ADARB2: variants seen among roughly 807,000 people sequenced by gnomAD.
ADARB2 encodes adenosine deaminase RNA specific B2 (inactive).
In ADARB2, 25 loss-of-function variants were observed where a neutral mutation model predicts 62.2. The ratio of observed to expected loss-of-function variants is 0.40; its 90% CI spans 0.29 to 0.56. The LOEUF (loss-of-function observed/expected upper bound fraction) is 0.56. Ranked by LOEUF, ADARB2 falls within the 20% of genes least tolerant of loss-of-function variation. The probability of loss-of-function intolerance (pLI) is 0.43; values close to 1 mark genes in which losing one functional copy is unlikely to be tolerated. For missense variants in ADARB2, 1,071 were observed against 1,077.4 expected, an observed-to-expected ratio of 0.99 and a Z score of 0.08; for synonymous variants, 572 against 500.8, an observed-to-expected ratio of 1.14 and a Z score of -1.90.
chr10:1,506,270 C>T (rs1831846289), intron 1 of ADARB2, among the ~76,000 whole-genome samples: 1 of 152,174 alleles, frequency 6.6e-6, no homozygotes, highest in South Asian at 2.1e-4. Flanking sequence ...ATTTCAACTT[C>T]TCCTCCTGCA....
intron 1 of ADARB2, among the ~76,000 whole-genome samples, chr10:1,396,816 CTCCTCTCCCCTCCCGA>C (rs1832619714): frequency 2.4e-5 from 1 of 42,282 alleles, no homozygotes; most frequent in Non-Finnish European, 4.8e-5. Context: ...GGTCACCGTC[CTCCTCTCCCCTCCCGA>C]GTGGAGGCTT....
chr10:1,183,712 A>T (rs1021822219), intron 9 of ADARB2, among the ~76,000 whole-genome samples: 1 of 152,174 alleles, frequency 6.6e-6, no homozygotes, highest in Admixed American at 6.5e-5. Flanking sequence ...GGCTGGTGAG[A>T]GTCATGTTGT....
intron 2 of ADARB2, among the ~76,000 whole-genome samples, chr10:1,375,709 C>A (rs1456156705): frequency 6.6e-6 from 1 of 152,212 alleles, no homozygotes. Flanking sequence ...CACCCTTGCT[C>A]CTGACATATG....
intron 1 of ADARB2, among the ~76,000 whole-genome samples, chr10:1,724,786 TG>T (rs1564205303): frequency 6.6e-6 from 1 of 151,964 alleles, no homozygotes; most frequent in Non-Finnish European, 1.5e-5. Context: ...TAACCTAGGG[TG>T]GGGGCCACAG....
chr10:1,716,649 G>C (rs777055059), intron 1 of ADARB2, among the ~76,000 whole-genome samples: 8 of 152,024 alleles, frequency 5.3e-5, no homozygotes, highest in Admixed American at 6.6e-5. Context: ...AAAACAACCT[G>C]ATACATTTAT....
chr10:1,693,223 G>A (rs1588354712), intron 1 of ADARB2, among the ~76,000 whole-genome samples: 1 of 152,120 alleles, frequency 6.6e-6, no homozygotes, highest in Non-Finnish European at 1.5e-5. Context: ...ACCTGCAAGG[G>A]GCCTTGGCAA....
intron 1 of ADARB2, among the ~76,000 whole-genome samples, chr10:1,484,236 T>C (rs1057501031): frequency 2.6e-5 from 4 of 152,208 alleles, no homozygotes; most frequent in Non-Finnish European, 4.4e-5. Context: ...TCCTTGAAAA[T>C]TGGTTTGAAA....
chr10:1,271,608 G>A (rs1831263343), intron 3 of ADARB2, among the ~76,000 whole-genome samples: 1 of 152,060 alleles, frequency 6.6e-6, no homozygotes, highest in African/African-American at 2.4e-5. Flanking sequence ...GGGCACACGT[G>A]CACACACGAA....
chr10:1,696,768 G>A (rs1834751546), intron 1 of ADARB2, among the ~76,000 whole-genome samples: 1 of 152,176 alleles, frequency 6.6e-6, no homozygotes, highest in Admixed American at 6.5e-5. Context: ...GAACTGCAAA[G>A]AGGCTAGAGG....
At chr10:1,705,503 T>A (rs1437753106) in intron 1 of ADARB2, among the ~76,000 whole-genome samples, 1 of 152,146 alleles carries the variant, frequency 6.6e-6, no homozygotes, top group Non-Finnish European at 1.5e-5. Flanking sequence ...CCAGGTAGGT[T>A]CTCAGGATGT....
chr10:1,205,915 G>GGGTC (rs1564219740), intron 7 of ADARB2, among the ~76,000 whole-genome samples: 1 of 107,618 alleles, frequency 9.3e-6, no homozygotes, highest in Non-Finnish European at 2.0e-5. Context: ...GGGTCAGGTG[G>GGGTC]AGGTCACGGG....
rs753144194 is a variant in ADARB2 at position 1,363,865 on chromosome 10, C to T, written c.240G>A (p.Ala80=). ...KENRNVGNLA[A]RPPPSGDRAR... ...CCCGGTCCCCGGAGGGCGGTGGCCGCGCGGCCAGGTTGCCCACGTTGCGGT... is the reference window on the plus strand; with the variant it reads ...CCCGGTCCCCGGAGGGCGGTGGCCGTGCGGCCAGGTTGCCCACGTTGCGGT... Residue 80 remains alanine (A), a synonymous_variant, in exon 3 of 10, where the codon GCG becomes GCA. Transcript: ENST00000381312. 7.3e-6 allele frequency: 11 copies of T among 1,506,242 alleles called. No individual in the cohort carries two copies. In the South Asian group the frequency reaches 1.0e-4, roughly 14 times the overall value. The allele number at this position is 1,506,242 out of a possible 1,614,324, so 93.3% of individuals were successfully genotyped here.
chr10:1,507,231 A>G (rs554467945), intron 1 of ADARB2, among the ~76,000 whole-genome samples: 3 of 152,356 alleles, frequency 2.0e-5, no homozygotes, highest in East Asian at 3.9e-4. Flanking sequence ...TGACGCTGCT[A>G]CAGAGGAAGG....
intron 1 of ADARB2, among the ~76,000 whole-genome samples, chr10:1,569,386 C>A (rs1480292181): frequency 6.6e-6 from 1 of 152,174 alleles, no homozygotes; most frequent in Non-Finnish European, 1.5e-5. Context: ...GTGTCATGAA[C>A]CCCCAGCCTG....
At chr10:1,302,769 C>A (rs1831586993) in intron 3 of ADARB2, among the ~76,000 whole-genome samples, 1 of 152,248 alleles carries the variant, frequency 6.6e-6, no homozygotes, top group African/African-American at 2.4e-5. Context: ...CAGGGGCACA[C>A]TGACACCTCA....
intron 1 of ADARB2, among the ~76,000 whole-genome samples, chr10:1,706,426 T>C (rs1448589336): frequency 6.6e-6 from 1 of 152,226 alleles, no homozygotes; most frequent in Non-Finnish European, 1.5e-5. Flanking sequence ...CTGTTTTTCC[T>C]GTGGGCTGGC....
At chr10:1,547,040 C>T (rs1018967465) in intron 1 of ADARB2, among the ~76,000 whole-genome samples, 17 of 152,290 alleles carry the variant, frequency 1.1e-4, no homozygotes, top group Admixed American at 2.6e-4. Flanking sequence ...AGCCATTCGT[C>T]GAGAGCGGGA....
In ADARB2 at chr10:1,363,777, A is replaced by G. The variant is rs1472471727; in HGVS notation, c.328T>C (p.Leu110=). 10 of 1,601,712 alleles carry G rather than the reference A, an allele frequency of 6.2e-6. No homozygotes were observed. Among genetic ancestry groups the G allele is most frequent in the Non-Finnish European group, 6.8e-6 (8 of 1,179,124 alleles). Residue 110 remains leucine (L), a synonymous_variant, in exon 3 of 10, where the codon TTG becomes CTG. Transcript: ENST00000381312. Reference sequence around the variant, plus strand: ...TTCCAGACCAGCTGCAGTTTGCACAAGTGGCCCCCATTCCCCTCCTCCAGC... The same window carrying G: ...TTCCAGACCAGCTGCAGTTTGCACAGGTGGCCCCCATTCCCCTCCTCCAGC... ...RPLEEGNGGH[L]CKLQLVWKKL...
At chr10:1,478,280 C>T (rs147275605) in intron 1 of ADARB2, among the ~76,000 whole-genome samples, 25 of 152,282 alleles carry the variant, frequency 1.6e-4, no homozygotes, top group African/African-American at 4.1e-4. Flanking sequence ...AACAGCGTCA[C>T]GGACATCAGA....
Sources: allele counts gnomAD v4.1 joint callset (sites outside exome capture counted in the v4.1 genomes callset), GRCh38; gene constraint gnomAD v4.1.1; transcripts MANE v1.5; gene names NCBI Gene and HGNC (gene_info 2026-07-23, HGNC 2026-07-21).